Variants in EPG5 observed in about 807,000 individuals in gnomAD.
The protein encoded by EPG5 is ectopic P-granules 5 autophagy tethering factor.
EPG5 carries 159 observed loss-of-function variants against 302.7 expected under a neutral mutation model. The ratio of observed to expected loss-of-function variants is 0.53; its 90% CI spans 0.46 to 0.60. The LOEUF is 0.60. EPG5 is among the 20% of genes least tolerant of loss of function. The pLI is 0.00. For synonymous variants in EPG5, 1,158 were observed against 1,136.8 expected (o/e 1.02, Z -0.37); for missense variants, 2,896 against 3,092.4 (o/e 0.94, Z 1.51).
chr18:45,856,667 A>C (rs553597692), intron 42 of EPG5, among the ~76,000 whole-genome samples: 1 of 152,370 alleles, frequency 6.6e-6, no homozygotes, highest in South Asian at 2.1e-4. Context: ...ACATGACGTT[A>C]ACTGGTTTGG....
At chr18:45,905,037 A>T (rs1306476051) in intron 24 of EPG5, among the ~76,000 whole-genome samples, 1 of 152,198 alleles carries the variant, frequency 6.6e-6, no homozygotes, top group Admixed American at 6.5e-5. Context: ...GAATTTTTTC[A>T]TAATAACAGG....
In EPG5 at chr18:45,928,869, C is replaced by G. The variant is rs1459219144; in HGVS notation, c.2553G>C (p.Met851Ile). 3 of 1,608,296 alleles carry G rather than the reference C, an allele frequency of 1.9e-6. No homozygotes were observed. The highest frequency in any genetic ancestry group is 2.5e-6 in the Non-Finnish European group (3 of 1,178,654). ...AAACAAACAAAATCAGTGCTCTTAC[C>G]ATTCCAACCTGGTCAATGGTCTCTT... ...RVQETIDQVG[M>I]VSLYLFKELP... The change falls in exon 13 of 44, where the codon ATG becomes ATC. Residue 851 changes from methionine (M) to isoleucine (I), a missense_variant and splice_region_variant. Physicochemically the swap from Met to Ile is conservative, Grantham distance 10. Coordinates refer to ENST00000282041, the MANE Select transcript of EPG5 (RefSeq NM_020964.3).
rs965028578 is a variant in EPG5, at chr18:45,852,099, A to G, written c.*368T>C. The G allele has an allele frequency of 4.2e-5, 7 of 167,834 alleles. No homozygotes were observed. Among genetic ancestry groups the G allele is most frequent in the African/African-American group, 1.7e-4 (7 of 42,084 alleles). 10.4% of individuals were successfully genotyped at this position (167,834 alleles called of 1,614,324 possible). A position where few individuals can be genotyped will look rare whatever the true frequency, so the allele number is the denominator to read the frequency against. On this transcript the variant is annotated 3_prime_UTR_variant, in exon 44 of 44. Coordinates refer to ENST00000282041, the MANE Select transcript of EPG5 (RefSeq NM_020964.3). ...CTTCCAAGGTTGTCAGATCTGGAAC[A>G]TTTACATAAAACAGAGACAGAAGTG...
intron 2 of EPG5, 34 bp downstream of exon 2, chr18:45,954,360 C>T (rs201219175): frequency 9.3e-5 from 143 of 1,536,304 alleles, no homozygotes; most frequent in Non-Finnish European, 1.2e-4. Flanking sequence ...ATAGCAGCTC[C>T]GCTGCAAATT....
At chr18:45,933,649 G>A (rs1175686753) in intron 11 of EPG5, among the ~76,000 whole-genome samples, 1 of 150,534 alleles carries the variant, frequency 6.6e-6, no homozygotes, top group Admixed American at 6.6e-5. Context: ...CTGCACTCCA[G>A]CCGGGGCAAT....
At chr18:45,908,264 C>T (rs2049807887) in intron 23 of EPG5, among the ~76,000 whole-genome samples, 183 bp from the exon 24 acceptor site, 3 of 152,040 alleles carry the variant, frequency 2.0e-5, no homozygotes, top group Non-Finnish European at 4.4e-5. Flanking sequence ...AGGCACGTCA[C>T]AGATTATTCA....
the EPG5 span, among the ~76,000 whole-genome samples, chr18:45,808,862 C>T: frequency 3.3e-5 from 5 of 151,984 alleles, no homozygotes; most frequent in Middle Eastern, 0.01. Flanking sequence ...AACAAATAGC[C>T]GATGAATGGA....
the EPG5 span, chr18:45,838,667 G>T: frequency 6.0e-6 from 9 of 1,490,814 alleles, no homozygotes; most frequent in Admixed American, 6.5e-5. Context: ...GCGTCCAAAG[G>T]GCTAAGGGGA....
At chr18:45,889,277 A>G (rs1599500715) in intron 28 of EPG5, among the ~76,000 whole-genome samples, 1 of 152,250 alleles carries the variant, frequency 6.6e-6, no homozygotes, top group East Asian at 1.9e-4. Context: ...CCACAATGAA[A>G]GCCAAAAGAA....
At chr18:45,842,442 T>TGA in the EPG5 span, 1,461 of 343,968 alleles carry the variant, frequency 4.2e-3, 14 homozygotes, top group African/African-American at 0.021. Context: ...TGTGTGTGTG[T>TGA]GAGAGAGAGA....
chr18:45,805,132 C>G, the EPG5 span, among the ~76,000 whole-genome samples: 1 of 151,804 alleles, frequency 6.6e-6, no homozygotes, highest in African/African-American at 2.4e-5. Context: ...AATTCTAAAA[C>G]ATGTCCAAAT....
intron 9 of EPG5, among the ~76,000 whole-genome samples, chr18:45,942,915 T>C (rs945879210): frequency 2.0e-5 from 3 of 152,184 alleles, no homozygotes; most frequent in Admixed American, 6.5e-5. Flanking sequence ...AGCAACAGCT[T>C]TGGGGATCTC....
Position 45,910,907 on chromosome 18 carries a change from C to T in EPG5, c.3984-165G>A, listed in dbSNP as rs184826625. On this transcript the variant is annotated intron_variant, in intron 22 of 43. Coordinates refer to ENST00000282041, the MANE Select transcript of EPG5 (RefSeq NM_020964.3). ...CTCAAAGATTATTTTGATGGTCCAA[C>T]AAGATGGTGTATATGAAAGTAGTTT... Among the ~76,000 whole-genome samples, 419 of 152,168 alleles carry T rather than the reference C, an allele frequency of 2.8e-3. 1 individual carries two copies. Among genetic ancestry groups the T allele is most frequent in the Non-Finnish European group, 2.8e-3 (190 of 68,000 alleles).
Position 45,946,646 on chromosome 18 carries a change from C to A in EPG5, c.1677+17G>T, listed in dbSNP as rs148486293. 5.7e-6 allele frequency: 9 copies of A among 1,572,846 alleles called. No individual in the cohort carries two copies. In the Admixed American group the frequency reaches 1.5e-4, roughly 26 times the overall value. ...TTCACAATGATTCATCAAAATAATG[C>A]AGATATGACAAGTTACCTCTTCTCC... On this transcript the variant is annotated intron_variant, in intron 7 of 43. Transcript: ENST00000282041.
At position 45,901,179 on chromosome 18, in the gene EPG5, T is replaced by A; in HGVS notation, c.4475-12A>T. On this transcript the variant is annotated splice_polypyrimidine_tract_variant and intron_variant, in intron 25 of 43. Transcript: ENST00000282041. The stretch of plus-strand genomic sequence containing the variant: ...AACCCTTTCTTTAGCTGAAAGAAAA[T>A]TAAGTCATATATACTGAGCAATCAG... The A allele has an allele frequency of 6.2e-7, 1 of 1,612,102 alleles. No individual in the cohort carries two copies. Among genetic ancestry groups the A allele is most frequent in the South Asian group, 1.1e-5 (1 of 90,956 alleles).
chr18:45,837,486 G>A, the EPG5 span: 2 of 1,454,404 alleles, frequency 1.4e-6, no homozygotes, highest in South Asian at 1.4e-5. Context: ...AGGGCCCCGA[G>A]CCTGACGCAG....
At chr18:45,878,551 T>C (rs1457510212) in intron 33 of EPG5, 103 bp from the exon 34 acceptor site, 2 of 723,300 alleles carry the variant, frequency 2.8e-6, no homozygotes, top group Non-Finnish European at 4.8e-6. Context: ...TGTAGCTTCA[T>C]AAACCTATGT....
chr18:45,820,018 T>C, the EPG5 span, among the ~76,000 whole-genome samples: 1 of 152,184 alleles, frequency 6.6e-6, no homozygotes, highest in African/African-American at 2.4e-5. Flanking sequence ...CATCCTGTTG[T>C]TAGTGAGAAA....
chr18:45,860,316 A>C lies in EPG5; in HGVS notation c.6797T>G (p.Leu2266Arg). 1.2e-6 allele frequency: 2 copies of C among 1,614,236 alleles called. No individual in the cohort carries two copies. Among genetic ancestry groups the C allele is most frequent in the Non-Finnish European group, 1.7e-6 (2 of 1,180,040 alleles). ...DMDSQTRHMA[L>R]SSLFMEVLMM... ...CAGGACTTCCATAAAGAGGCTGCTG[A>C]GGGCCATGTGGCGGGTCTGGCTGTC... is the stretch of plus-strand genomic sequence containing the variant. The change falls in exon 40 of 44, where the codon CTC becomes CGC. Residue 2266 changes from leucine to arginine, a missense_variant. Around this residue, in one of 5 missense-constraint regions of EPG5, gnomAD observed 620 missense variants for 704.2 expected, o/e 0.88. Coordinates refer to ENST00000282041, the MANE Select transcript of EPG5 (RefSeq NM_020964.3).
Sources: gnomAD v4.1 joint callset for allele counts (sites outside exome capture counted in the v4.1 genomes callset) on GRCh38, gnomAD v4.1.1 for gene constraint, gnomAD v4.1.1 regional missense constraint, MANE v1.5 for transcripts, NCBI Gene and HGNC (gene_info 2026-07-23, HGNC 2026-07-21) for gene names.